The following FERMT2 variants were observed in gnomAD, a reference collection of about 807,000 sequenced individuals.
The protein encoded by FERMT2 is FERM domain containing kindlin 2.
Under a neutral mutation model 82.7 loss-of-function variants are expected in FERMT2, and 15 were observed. The observed-to-expected ratio is 0.18, with a 90% CI of 0.12 to 0.28. The LOEUF (loss-of-function observed/expected upper bound fraction) is 0.28, where lower values mean the gene tolerates loss of function less well. FERMT2 is among the 10% of genes least tolerant of loss of function. The pLI is 1.00. For missense variants in FERMT2, 645 were observed against 809.4 expected, an observed-to-expected ratio of 0.80 and a Z score of 2.46; for synonymous variants, 274 against 271.5, an observed-to-expected ratio of 1.01 and a Z score of -0.09.
chr14:52,916,882 C>G (rs1218307526), intron 3 of FERMT2, among the ~76,000 whole-genome samples: 1 of 152,058 alleles, frequency 6.6e-6, no homozygotes, highest in Non-Finnish European at 1.5e-5. Flanking sequence ...CAAAAATGGA[C>G]AAATGATATA....
At chr14:52,861,624 CAAAG>C (rs1884943848) in intron 12 of FERMT2, 1 of 152,662 alleles carries the variant, frequency 6.6e-6, no homozygotes, top group Non-Finnish European at 1.5e-5. Context: ...GAAGGGAAAA[CAAAG>C]AGATGCCGTA....
chr14:52,927,779 T>A (rs1240468624), intron 2 of FERMT2, among the ~76,000 whole-genome samples: 1 of 151,726 alleles, frequency 6.6e-6, no homozygotes, highest in South Asian at 2.1e-4. Flanking sequence ...TTACCACACA[T>A]CCATGGATAT....
chr14:52,902,263 T>C (rs1033356990), intron 3 of FERMT2, among the ~76,000 whole-genome samples: 2 of 151,654 alleles, frequency 1.3e-5, no homozygotes, highest in Non-Finnish European at 2.9e-5. Flanking sequence ...CATGATGGCG[T>C]GCATCTGTAG....
intron 10 of FERMT2, among the ~76,000 whole-genome samples, chr14:52,868,580 G>A (rs555292568): frequency 1.3e-5 from 2 of 152,250 alleles, no homozygotes; most frequent in African/African-American, 4.8e-5. Flanking sequence ...TAGCTGAAAT[G>A]AATTTTTAAT....
chr14:52,864,395 A>G lies in FERMT2; in HGVS notation c.1602+6T>C. ...CACAGTAGATGAAGTAAAATGAAGT[A>G]AGTACCTGCTTGTTCTTATACTTTT... is the stretch of plus-strand genomic sequence containing the variant. On this transcript the variant is annotated splice_donor_region_variant and intron_variant, in intron 12 of 14. Transcript: ENST00000341590. 6.3e-7 allele frequency: 1 copy of G among 1,599,964 alleles called. No individual in the cohort carries two copies. The highest frequency in any genetic ancestry group is 8.6e-7 in the Non-Finnish European group (1 of 1,167,142).
At chr14:52,906,035 C>A (rs1887989776) in intron 3 of FERMT2, among the ~76,000 whole-genome samples, 1 of 152,138 alleles carries the variant, frequency 6.6e-6, no homozygotes, top group Non-Finnish European at 1.5e-5. Context: ...CATTAGGCAA[C>A]AAGATGCACG....
rs1248816437 is a variant in FERMT2, at chr14:52,881,337, A to G, written c.659T>C (p.Ile220Thr). The change falls in exon 5 of 15, where the codon ATA becomes ACA. Residue 220 changes from isoleucine to threonine, a missense_variant. Coordinates refer to ENST00000341590, the MANE Select transcript of FERMT2 (RefSeq NM_006832.3). ...DSALSEGNPGILAVSQPITSP... is the reference protein window; with the variant it reads ...DSALSEGNPGTLAVSQPITSP... ...CGTGATTGGTTGACTGACAGCAAGTATACCAGGATTGCCTTCTGACAAAGC... is the reference window on the plus strand; with the variant it reads ...CGTGATTGGTTGACTGACAGCAAGTGTACCAGGATTGCCTTCTGACAAAGC... The G allele has an allele frequency of 6.2e-7, 1 of 1,614,000 alleles. No individual in the cohort carries two copies. Among genetic ancestry groups the G allele is most frequent in the Admixed American group, 1.7e-5 (1 of 59,996 alleles).
intron 2 of FERMT2, among the ~76,000 whole-genome samples, chr14:52,934,448 AT>A (rs1889743650): frequency 6.6e-6 from 1 of 152,242 alleles, no homozygotes; most frequent in Non-Finnish European, 1.5e-5. Flanking sequence ...TGGAGCAAGT[AT>A]CTTTTATGCC....
At chr14:52,901,154 G>T (rs956492233) in intron 3 of FERMT2, among the ~76,000 whole-genome samples, 2 of 145,934 alleles carry the variant, frequency 1.4e-5, no homozygotes, top group African/African-American at 5.0e-5. Context: ...TGTGGCGGGC[G>T]CCTGTAGTCC....
At chr14:52,924,962 A>G (rs17125924) in intron 2 of FERMT2, among the ~76,000 whole-genome samples, 13,677 of 152,158 alleles carry the variant, frequency 0.09, 722 homozygotes, top group East Asian at 0.23. Context: ...AAAACTTCCT[A>G]AAGACCCGAC....
chr14:52,946,728 G>T (rs528877437), intron 2 of FERMT2, among the ~76,000 whole-genome samples: 1 of 151,908 alleles, frequency 6.6e-6, no homozygotes, highest in Admixed American at 6.6e-5. Flanking sequence ...GCTTAGGCTG[G>T]GTGGTGTGAT....
chr14:52,897,147 A>C (rs1887332055), intron 3 of FERMT2, among the ~76,000 whole-genome samples: 2 of 152,204 alleles, frequency 1.3e-5, no homozygotes, highest in Admixed American at 1.3e-4. Context: ...AGGGCAAAAA[A>C]TAAAATGTTT....
At chr14:52,922,129 G>C (rs1383076333) in intron 2 of FERMT2, among the ~76,000 whole-genome samples, 2 of 152,192 alleles carry the variant, frequency 1.3e-5, no homozygotes, top group African/African-American at 4.8e-5. Flanking sequence ...GTGAAAGTGA[G>C]ATGGGGAGAA....
At chr14:52,925,929 C>G (rs902434638) in intron 2 of FERMT2, among the ~76,000 whole-genome samples, 2 of 152,158 alleles carry the variant, frequency 1.3e-5, no homozygotes, top group African/African-American at 4.8e-5. Flanking sequence ...CAGGCATGAG[C>G]CACCGCGCCC....
chr14:52,891,605 T>G (rs1263370585), intron 4 of FERMT2, among the ~76,000 whole-genome samples: 6 of 152,122 alleles, frequency 3.9e-5, no homozygotes, highest in Non-Finnish European at 8.8e-5. Flanking sequence ...ATGGGTAAAG[T>G]GCATGAAATA....
intron 3 of FERMT2, among the ~76,000 whole-genome samples, chr14:52,893,886 T>C (rs1012118505): frequency 1.3e-4 from 19 of 151,818 alleles, no homozygotes; most frequent in East Asian, 3.9e-4. Flanking sequence ...TGGAGTGCAA[T>C]TGAGCAATCT....
At chr14:52,894,886 TAAAAA>T (rs3068971) in intron 3 of FERMT2, among the ~76,000 whole-genome samples, 46 of 140,900 alleles carry the variant, frequency 3.3e-4, no homozygotes, top group African/African-American at 1.2e-3. Flanking sequence ...TATTTAAAAA[TAAAAA>T]AAAAAAAAAA....
intron 3 of FERMT2, among the ~76,000 whole-genome samples, chr14:52,916,958 A>G (rs1465319218): frequency 1.3e-5 from 2 of 152,256 alleles, no homozygotes; most frequent in Admixed American, 1.3e-4. Context: ...TTTGTAAACT[A>G]AAACAAAATA....
At chr14:52,876,758 A>G (rs1396531848) in intron 7 of FERMT2, among the ~76,000 whole-genome samples, 1 of 152,186 alleles carries the variant, frequency 6.6e-6, no homozygotes, top group Non-Finnish European at 1.5e-5. Flanking sequence ...CAAGGAGAGT[A>G]TACTTCGGAG....
Sources: allele counts gnomAD v4.1 joint callset (sites outside exome capture counted in the v4.1 genomes callset), GRCh38; gene constraint gnomAD v4.1.1; transcripts MANE v1.5; gene names NCBI Gene and HGNC (gene_info 2026-07-23, HGNC 2026-07-21).